AKAP10: variants seen among roughly 807,000 people sequenced by gnomAD.
AKAP10 encodes the protein A-kinase anchor protein 10, mitochondrial.
Under a neutral mutation model 80.8 loss-of-function variants are expected in AKAP10, and 24 were observed. The observed-to-expected ratio is 0.30, with a 90% CI of 0.22 to 0.42. The LOEUF is 0.42. Ranked by LOEUF, AKAP10 falls within the 10% of genes least tolerant of loss-of-function variation. The pLI is 1.00. For synonymous variants in AKAP10, 291 were observed against 277.7 expected (o/e 1.05, Z -0.48); for missense variants, 661 against 794.9 (o/e 0.83, Z 2.03).
intron 8 of AKAP10, among the ~76,000 whole-genome samples, chr17:19,937,702 C>A (rs573125804): frequency 6.6e-6 from 1 of 152,094 alleles, no homozygotes; most frequent in African/African-American, 2.4e-5. Context: ...TTACGTAATA[C>A]CTTCTACAAA....
intron 12 of AKAP10, among the ~76,000 whole-genome samples, chr17:19,918,408 C>A (rs1170935589): frequency 6.6e-6 from 1 of 152,112 alleles, no homozygotes; most frequent in Non-Finnish European, 1.5e-5. Flanking sequence ...AGCCATGGCG[C>A]CTGTAATCCC....
intron 4 of AKAP10, among the ~76,000 whole-genome samples, chr17:19,951,428 G>A (rs1190644372): frequency 9.8e-5 from 15 of 152,396 alleles, no homozygotes; most frequent in Admixed American, 5.9e-4. Flanking sequence ...GGGCCATGAT[G>A]ACGATGGCAG....
chr17:19,924,444 A>G lies in AKAP10; in HGVS notation c.1715T>C (p.Leu572Pro). The G allele has an allele frequency of 6.2e-7, 1 of 1,607,052 alleles. No homozygotes were observed. Among genetic ancestry groups the G allele is most frequent in the Non-Finnish European group, 8.5e-7 (1 of 1,176,060 alleles). The change falls in exon 11 of 15, where the codon CTG (leucine) becomes CCG (proline). Residue 572 changes from leucine (L) to proline (P), a missense_variant. Transcript: ENST00000225737. ...CCGTTGATATAAAGATTCTGGATCCAGACTTGCCGCATCCACAATTATCGC... is the reference window on the plus strand; with the variant it reads ...CCGTTGATATAAAGATTCTGGATCCGGACTTGCCGCATCCACAATTATCGC... ...DEAIIVDAAS[L>P]DPESLYQRTY... is the part of the protein sequence containing the mutation.
rs1202666222 is a variant in AKAP10, at chr17:19,931,957, A to G, written c.1489T>C (p.Ser497Pro). The stretch of plus-strand genomic sequence containing the variant: ...AAATATTTATAATAAAGATTGCTGG[A>G]CAAAAAGCCAGGCAAAAAGACCTGA... ...MEKVFLPGFL[S>P]SNLYYKYLND... The change falls in exon 10 of 15, where the codon TCC becomes CCC. Residue 497 changes from serine (S) to proline (P), a missense_variant. Coordinates refer to ENST00000225737, the MANE Select transcript of AKAP10 (RefSeq NM_007202.4). 1 of 1,613,126 alleles carries G rather than the reference A, an allele frequency of 6.2e-7. No individual in the cohort carries two copies. Among genetic ancestry groups the G allele is most frequent in the African/African-American group, 1.3e-5 (1 of 74,884 alleles).
At chr17:19,974,307 C>T (rs1286742546) in intron 1 of AKAP10, among the ~76,000 whole-genome samples, 1 of 152,216 alleles carries the variant, frequency 6.6e-6, no homozygotes, top group Admixed American at 6.5e-5. Context: ...AAGGTATCTA[C>T]TGGATTAAGC....
chr17:19,920,311 A>G (rs945509649), intron 11 of AKAP10, among the ~76,000 whole-genome samples, 193 bp from the exon 12 acceptor site: 2 of 152,230 alleles, frequency 1.3e-5, no homozygotes, highest in African/African-American at 4.8e-5. Flanking sequence ...TCTTTAATTG[A>G]GTGCAATTCC....
chr17:19,957,996 A>G lies in AKAP10; in HGVS notation c.877+18T>C. The G allele has an allele frequency of 6.3e-7, 1 of 1,594,098 alleles. No homozygotes were observed. The highest frequency in any genetic ancestry group is 8.6e-7 in the Non-Finnish European group (1 of 1,168,918). ...AAAGTGAGACACATATGTACACACA[A>G]GAAAATCACATACTCACTTTTCATT... On this transcript the variant is annotated intron_variant, in intron 4 of 14. Coordinates refer to ENST00000225737, the MANE Select transcript of AKAP10 (RefSeq NM_007202.4).
At chr17:19,909,751 C>A (rs1291875010) in intron 13 of AKAP10, among the ~76,000 whole-genome samples, 175 bp downstream of exon 13, 2 of 152,122 alleles carry the variant, frequency 1.3e-5, no homozygotes, top group Admixed American at 1.3e-4. Flanking sequence ...TACTACCAGG[C>A]AATTGTTAGA....
At chr17:19,946,255 A>T (rs1181327544) in intron 5 of AKAP10, among the ~76,000 whole-genome samples, 5 of 21,350 alleles carry the variant, frequency 2.3e-4, no homozygotes, top group African/African-American at 7.8e-4. Flanking sequence ...ATATATATAT[A>T]TATATATATA....
At position 19,928,674 on chromosome 17, in the gene AKAP10, C is replaced by T. The variant is rs146670270; in HGVS notation, c.1641+3131G>A. 7.5e-3 allele frequency among the ~76,000 whole-genome samples: 1,143 copies of T among 152,176 alleles called. 50 individuals are homozygous for T. Among genetic ancestry groups the T allele is most frequent in the Admixed American group, 0.059 (896 of 15,270 alleles). ...GGTGGATCACTTGAGGTCAAGAGTT[C>T]GAGACCAGACTGGCCAACATGGTGA... On this transcript the variant is annotated intron_variant, in intron 10 of 14. Transcript: ENST00000225737.
intron 5 of AKAP10, among the ~76,000 whole-genome samples, chr17:19,945,065 T>A (rs2043088602): frequency 6.6e-6 from 1 of 152,174 alleles, no homozygotes; most frequent in Admixed American, 6.5e-5. Context: ...ATGACTTGCC[T>A]AAAGCCACAC....
rs768568782 is a variant in AKAP10, at chr17:19,962,956, G to A, written c.203C>T (p.Pro68Leu). The A allele has an allele frequency of 6.2e-7, 1 of 1,613,754 alleles. No individual in the cohort carries two copies. Among genetic ancestry groups the A allele is most frequent in the Non-Finnish European group, 8.5e-7 (1 of 1,179,756 alleles). Residue 68 changes from proline to leucine, a missense_variant, in exon 3 of 15, where the codon CCA becomes CTA. By Grantham distance (98) the Pro-to-Leu change is moderately conservative. Transcript: ENST00000225737. Reference protein sequence around the residue: ...KNHALLEAAGPSHVAINAISA... With the variant: ...KNHALLEAAGLSHVAINAISA... ...AATGGCATTGATTGCAACATGACTT[G>A]GTCCTGCAGCCTCCAGCAAGGCATG...
chr17:19,938,970 G>A (rs2043023988), intron 8 of AKAP10, among the ~76,000 whole-genome samples: 1 of 152,040 alleles, frequency 6.6e-6, no homozygotes, highest in South Asian at 2.1e-4. Context: ...GGGCTCAAGC[G>A]ATTCACCTGC....
At chr17:19,919,462 T>C (rs1185646825) in intron 12 of AKAP10, among the ~76,000 whole-genome samples, 2 of 152,124 alleles carry the variant, frequency 1.3e-5, no homozygotes, top group Admixed American at 1.3e-4. Flanking sequence ...GGCGGATGGA[T>C]TGCTTGAGGT....
intron 2 of AKAP10, among the ~76,000 whole-genome samples, chr17:19,965,879 T>G (rs1423142468): frequency 6.6e-6 from 1 of 152,052 alleles, no homozygotes; most frequent in Non-Finnish European, 1.5e-5. Flanking sequence ...GGATATTATT[T>G]CATCTATCTC....
chr17:19,976,205 G>C (rs909397392), intron 1 of AKAP10, among the ~76,000 whole-genome samples: 5 of 152,150 alleles, frequency 3.3e-5, no homozygotes, highest in African/African-American at 4.8e-5. Context: ...ACCCATTTCT[G>C]GCTGGCCGCG....
intron 10 of AKAP10, among the ~76,000 whole-genome samples, chr17:19,927,916 A>C (rs2042891902): frequency 6.6e-6 from 1 of 150,982 alleles, no homozygotes; most frequent in South Asian, 2.1e-4. Flanking sequence ...TTCTCAAAAA[A>C]AAAAAGAAAA....
At chr17:19,960,617 T>C (rs907322956) in intron 3 of AKAP10, among the ~76,000 whole-genome samples, 9 of 152,210 alleles carry the variant, frequency 5.9e-5, no homozygotes, top group Non-Finnish European at 1.2e-4. Flanking sequence ...TTTTCAATAT[T>C]AAGCTGCTAT....
chr17:19,907,023 TG>T (rs2042638548), intron 14 of AKAP10, among the ~76,000 whole-genome samples: 1 of 149,650 alleles, frequency 6.7e-6, no homozygotes, highest in African/African-American at 2.5e-5. Flanking sequence ...TGTTTTTTTT[TG>T]TTTTTTTTTT....
Sources: gnomAD v4.1 joint callset for allele counts (sites outside exome capture counted in the v4.1 genomes callset) on GRCh38, gnomAD v4.1.1 for gene constraint, MANE v1.5 for transcripts, NCBI Gene and HGNC (gene_info 2026-07-23, HGNC 2026-07-21) for gene names.